GPC5: variants seen among roughly 807,000 people sequenced by gnomAD.
GPC5 encodes the protein glypican 5.
In GPC5, 47 loss-of-function variants were observed where a neutral mutation model predicts 53.9. That is an observed-to-expected ratio of 0.87 (90% CI 0.69 to 1.11). The LOEUF (loss-of-function observed/expected upper bound fraction) is 1.11, where lower values mean the gene tolerates loss of function less well. GPC5 is among the 50% of genes most tolerant of loss of function. GPC5 has a pLI of 0.00. For missense variants in GPC5, 748 were observed against 713.1 expected (o/e 1.05, Z -0.56); for synonymous variants, 286 against 263.3 (o/e 1.09, Z -0.84).
At chr13:91,525,754 T>A (rs1886055891) in intron 2 of GPC5, among the ~76,000 whole-genome samples, 1 of 152,202 alleles carries the variant, frequency 6.6e-6, no homozygotes, top group African/African-American at 2.4e-5. Flanking sequence ...TTCACTTCAC[T>A]GCAATTACTG....
At chr13:92,766,034 T>C (rs2138743228) in intron 7 of GPC5, among the ~76,000 whole-genome samples, 1 of 152,264 alleles carries the variant, frequency 6.6e-6, no homozygotes, top group East Asian at 1.9e-4. Flanking sequence ...TTATTGCATA[T>C]GTTCACCTGT....
At chr13:92,446,074 C>A (rs1877812119) in intron 7 of GPC5, among the ~76,000 whole-genome samples, 1 of 152,030 alleles carries the variant, frequency 6.6e-6, no homozygotes. Flanking sequence ...TCACCTCAAG[C>A]ATTTATCTTT....
intron 6 of GPC5, among the ~76,000 whole-genome samples, chr13:92,023,665 G>GACACAC (rs367677767): frequency 0.08 from 11,222 of 140,830 alleles, 535 homozygotes; most frequent in Middle Eastern, 0.13. Context: ...CTTTGCTGAG[G>GACACAC]ACACACACAC....
intron 7 of GPC5, among the ~76,000 whole-genome samples, chr13:92,196,991 G>C (rs1351399507): frequency 6.6e-6 from 1 of 152,190 alleles, no homozygotes; most frequent in Non-Finnish European, 1.5e-5. Context: ...CGGTACACTG[G>C]AAACAATATG....
chr13:92,031,098 G>A (rs1161628907), intron 6 of GPC5, among the ~76,000 whole-genome samples: 1 of 151,936 alleles, frequency 6.6e-6, no homozygotes, highest in East Asian at 1.9e-4. Flanking sequence ...TAACACCATG[G>A]CCTACTGGTT....
chr13:91,701,690 CA>C (rs1269637108), intron 3 of GPC5, among the ~76,000 whole-genome samples: 1 of 151,984 alleles, frequency 6.6e-6, no homozygotes, highest in African/African-American at 2.4e-5. Flanking sequence ...TTTATCTATT[CA>C]TCTGTTGATG....
chr13:92,501,803 A>G (rs1880192409), intron 7 of GPC5, among the ~76,000 whole-genome samples: 1 of 152,120 alleles, frequency 6.6e-6, no homozygotes, highest in Non-Finnish European at 1.5e-5. Flanking sequence ...AAGAAAGAAA[A>G]TATGTTTAAA....
At chr13:91,662,246 T>A (rs2035004733) in intron 2 of GPC5, among the ~76,000 whole-genome samples, 1 of 151,824 alleles carries the variant, frequency 6.6e-6, no homozygotes, top group Non-Finnish European at 1.5e-5. Flanking sequence ...GAAAGTAGAG[T>A]ATATTGGAAA....
intron 7 of GPC5, among the ~76,000 whole-genome samples, chr13:92,153,198 T>C (rs1029199930): frequency 6.6e-6 from 1 of 152,164 alleles, no homozygotes; most frequent in Non-Finnish European, 1.5e-5. Flanking sequence ...AGTGGCGCAA[T>C]CTCAGCTCAC....
At chr13:92,854,792 AC>A (rs1336238659) in intron 7 of GPC5, among the ~76,000 whole-genome samples, 3 of 151,964 alleles carry the variant, frequency 2.0e-5, no homozygotes, top group Non-Finnish European at 4.4e-5. Context: ...GGAAATTATT[AC>A]CCTGCCAAAT....
intron 6 of GPC5, among the ~76,000 whole-genome samples, chr13:92,087,852 T>G (rs2041347909): frequency 6.6e-6 from 1 of 152,164 alleles, no homozygotes; most frequent in Non-Finnish European, 1.5e-5. Context: ...TAGAATGTCA[T>G]TCCAATGTGA....
intron 7 of GPC5, among the ~76,000 whole-genome samples, chr13:92,672,648 A>T (rs1487479478): frequency 6.6e-6 from 1 of 152,192 alleles, no homozygotes; most frequent in Non-Finnish European, 1.5e-5. Flanking sequence ...GAAATCAGTG[A>T]CACACTGGAT....
At chr13:91,481,131 T>C (rs1270106611) in intron 2 of GPC5, among the ~76,000 whole-genome samples, 1 of 152,158 alleles carries the variant, frequency 6.6e-6, no homozygotes, top group East Asian at 1.9e-4. Context: ...GTGAAGAACA[T>C]CCTTAGACTA....
chr13:92,233,334 C>T (rs2042545003), intron 7 of GPC5, among the ~76,000 whole-genome samples: 1 of 152,198 alleles, frequency 6.6e-6, no homozygotes, highest in East Asian at 1.9e-4. Flanking sequence ...GCATTTCACA[C>T]TTTAAGAGTA....
intron 2 of GPC5, among the ~76,000 whole-genome samples, chr13:91,598,490 A>G (rs1420772863): frequency 3.3e-5 from 5 of 152,104 alleles, no homozygotes; most frequent in Non-Finnish European, 7.4e-5. Flanking sequence ...GTTGTGGTCA[A>G]TATGACCTAA....
At chr13:91,816,844 A>T (rs1237965065) in intron 5 of GPC5, among the ~76,000 whole-genome samples, 1 of 152,056 alleles carries the variant, frequency 6.6e-6, no homozygotes, top group African/African-American at 2.4e-5. Flanking sequence ...CTGAATCTTC[A>T]CCCTATCACT....
At chr13:92,113,799 C>A (rs2041577692) in intron 6 of GPC5, among the ~76,000 whole-genome samples, 1 of 150,160 alleles carries the variant, frequency 6.7e-6, no homozygotes, top group East Asian at 2.0e-4. Context: ...AAGTAAGACA[C>A]TTTAAATAAG....
chr13:92,325,882 T>C (rs1173882484), intron 7 of GPC5, among the ~76,000 whole-genome samples: 1 of 152,066 alleles, frequency 6.6e-6, no homozygotes, highest in Non-Finnish European at 1.5e-5. Context: ...GGGGCCTCAC[T>C]ATACTTTTGG....
chr13:91,998,478 C>T, intron 6 of GPC5, among the ~76,000 whole-genome samples: 1 of 152,244 alleles, frequency 6.6e-6, no homozygotes, highest in African/African-American at 2.4e-5. Context: ...TAATGTAAGG[C>T]TTTCCAATCC....
Sources: gnomAD v4.1 joint callset for allele counts (sites outside exome capture counted in the v4.1 genomes callset) on GRCh38, gnomAD v4.1.1 for gene constraint, MANE v1.5 for transcripts, NCBI Gene and HGNC (gene_info 2026-07-23, HGNC 2026-07-21) for gene names.